Variants in FGF12 observed in about 807,000 individuals in gnomAD.
The protein encoded by FGF12 is fibroblast growth factor 12, also known as fibroblast growth factor 12B.
In FGF12, 14 loss-of-function variants were observed where a neutral mutation model predicts 23.6. The ratio of observed to expected loss-of-function variants is 0.59; its 90% CI spans 0.39 to 0.93. FGF12 has a LOEUF of 0.93. Among genes scored for constraint, FGF12 ranks in the 40% least tolerant of loss-of-function variants. FGF12 has a pLI of 0.00. For missense variants in FGF12, 175 were observed against 217.8 expected (o/e 0.80, Z 1.24); for synonymous variants, 62 against 77.3 (o/e 0.80, Z 1.04).
chr3:192,308,122 A>T (rs1440815005), intron 4 of FGF12, among the ~76,000 whole-genome samples: 1 of 152,202 alleles, frequency 6.6e-6, no homozygotes, highest in African/African-American at 2.4e-5. Flanking sequence ...CACTGTTGAG[A>T]TGATAAATTA....
At chr3:192,228,849 C>T (rs1469728094) in intron 4 of FGF12, among the ~76,000 whole-genome samples, 3 of 152,122 alleles carry the variant, frequency 2.0e-5, no homozygotes, top group Admixed American at 6.5e-5. Flanking sequence ...TTTAATACTG[C>T]GTCTGAGGAA....
intron 2 of FGF12, among the ~76,000 whole-genome samples, chr3:192,570,973 G>A (rs1312251803): frequency 6.6e-6 from 1 of 152,126 alleles, no homozygotes; most frequent in Non-Finnish European, 1.5e-5. Context: ...GAAACAGACG[G>A]GGAGTTCTAT....
intron 4 of FGF12, among the ~76,000 whole-genome samples, chr3:192,231,930 C>T (rs1719044557): frequency 6.6e-6 from 1 of 152,186 alleles, no homozygotes; most frequent in Non-Finnish European, 1.5e-5. Flanking sequence ...GTGCTGCCTG[C>T]TACTTAGGAG....
In FGF12 at chr3:192,293,499, G is replaced by A. The variant is rs888344064; in HGVS notation, c.228+41862C>T. On this transcript the variant is annotated intron_variant, in intron 4 of 5. Coordinates refer to ENST00000445105, the MANE Select transcript of FGF12 (RefSeq NM_004113.6). ...AATTTGATTTAGGGATTATTCTAGTGTTTCGATTTGCTATCAGTTTGAGAG... is the reference window on the plus strand; with the variant it reads ...AATTTGATTTAGGGATTATTCTAGTATTTCGATTTGCTATCAGTTTGAGAG... 3.3e-5 allele frequency among the ~76,000 whole-genome samples: 5 copies of A among 152,240 alleles called. No individual in the cohort carries two copies. The East Asian group carries it at 9.7e-4, about 29-fold the overall frequency.
At chr3:192,167,180 A>G (rs930056845) in intron 5 of FGF12, among the ~76,000 whole-genome samples, 1 of 151,796 alleles carries the variant, frequency 6.6e-6, no homozygotes, top group Non-Finnish European at 1.5e-5. Context: ...AAAAAAAAAA[A>G]AAAGACTACA....
chr3:192,365,388 C>T (rs1405224105), intron 2 of FGF12, among the ~76,000 whole-genome samples: 2 of 151,336 alleles, frequency 1.3e-5, no homozygotes, highest in Non-Finnish European at 2.9e-5. Context: ...GATCCTAGAG[C>T]TGAAAAAGAA....
Position 192,249,528 on chromosome 3 carries a change from G to A in FGF12, c.229-78872C>T, listed in dbSNP as rs117015504. ...TTCAATATGCAATATGGTGGCCTTA[G>A]GAAGAGAGGAGTTTTTTTTTTCTCA... On this transcript the variant is annotated intron_variant, in intron 4 of 5. Transcript: ENST00000445105. Among the ~76,000 whole-genome samples, 133 of 152,172 alleles carry A rather than the reference G, an allele frequency of 8.7e-4. 3 individuals carry two copies. The East Asian group carries it at 0.025, about 29-fold the overall frequency.
chr3:192,172,146 C>T (rs997756865), intron 4 of FGF12, among the ~76,000 whole-genome samples: 2 of 151,438 alleles, frequency 1.3e-5, no homozygotes, highest in African/African-American at 2.4e-5. Context: ...GCCAGCACTT[C>T]GGGAGGTTGA....
At chr3:192,300,276 A>G (rs925061746) in intron 4 of FGF12, among the ~76,000 whole-genome samples, 1 of 152,230 alleles carries the variant, frequency 6.6e-6, no homozygotes, top group African/African-American at 2.4e-5. Flanking sequence ...TACTTTAAAT[A>G]TCAGTAAATG....
chr3:192,197,003 A>G (rs1001814339), intron 4 of FGF12, among the ~76,000 whole-genome samples: 1 of 152,228 alleles, frequency 6.6e-6, no homozygotes, highest in Non-Finnish European at 1.5e-5. Flanking sequence ...TTTGTTAGAT[A>G]AGATGTGCAG....
intron 4 of FGF12, among the ~76,000 whole-genome samples, chr3:192,276,906 T>G (rs932912219): frequency 6.6e-6 from 1 of 152,234 alleles, no homozygotes; most frequent in Non-Finnish European, 1.5e-5. Context: ...CAGGTCTTAC[T>G]GAGTTTCCCT....
intron 2 of FGF12, chr3:192,407,898 T>C (rs1721029288): frequency 1.9e-6 from 2 of 1,053,632 alleles, no homozygotes; most frequent in Non-Finnish European, 2.7e-6. Context: ...AGTCTGGAAA[T>C]GAGAGAAGAG....
chr3:192,579,582 C>A (rs750307522), intron 2 of FGF12, among the ~76,000 whole-genome samples: 3 of 152,132 alleles, frequency 2.0e-5, no homozygotes, highest in Non-Finnish European at 4.4e-5. Context: ...GAGACGAAGT[C>A]TCTCTCTGTC....
At chr3:192,710,256 G>A (rs955359213) in intron 2 of FGF12, among the ~76,000 whole-genome samples, 2 of 152,142 alleles carry the variant, frequency 1.3e-5, no homozygotes, top group Non-Finnish European at 2.9e-5. Flanking sequence ...ATTTTTGGAT[G>A]TAAGTATTTA....
chr3:192,470,919 C>T (rs1352387943), intron 2 of FGF12, among the ~76,000 whole-genome samples: 1 of 152,178 alleles, frequency 6.6e-6, no homozygotes, highest in Admixed American at 6.5e-5. Flanking sequence ...CACAGTTTCA[C>T]ACCTCCGGCT....
chr3:192,168,948 A>T (rs1210559175), intron 5 of FGF12, among the ~76,000 whole-genome samples: 2 of 152,174 alleles, frequency 1.3e-5, no homozygotes, highest in Non-Finnish European at 2.9e-5. Flanking sequence ...TTGACTCTTG[A>T]ATTATTTTTT....
intron 4 of FGF12, among the ~76,000 whole-genome samples, chr3:192,290,634 C>T (rs1205521318): frequency 6.6e-6 from 1 of 152,152 alleles, no homozygotes; most frequent in Non-Finnish European, 1.5e-5. Flanking sequence ...AGTTGTGCTG[C>T]TCGTGAGTAG....
chr3:192,566,050 C>T lies in FGF12; in HGVS notation c.13+161131G>A, dbSNP rs1316817283. ...GCGGTGAGCCGAGATTGCGCCATTGCACTCCAGCCTGGGCAAAAAGAACGA... is the reference window on the plus strand; with the variant it reads ...GCGGTGAGCCGAGATTGCGCCATTGTACTCCAGCCTGGGCAAAAAGAACGA... On this transcript the variant is annotated intron_variant, in intron 2 of 5. Coordinates refer to ENST00000445105, the MANE Select transcript of FGF12 (RefSeq NM_004113.6). 2.0e-5 allele frequency among the ~76,000 whole-genome samples: 3 copies of T among 152,346 alleles called. No individual in the cohort carries two copies. In the East Asian group the frequency reaches 5.8e-4, roughly 29 times the overall value.
chr3:192,705,319 T>C (rs1457789375), intron 2 of FGF12, among the ~76,000 whole-genome samples: 1 of 152,206 alleles, frequency 6.6e-6, no homozygotes, highest in Admixed American at 6.5e-5. Context: ...GGGTGACTAA[T>C]TGGCTTAATT....
Sources: allele counts gnomAD v4.1 joint callset (sites outside exome capture counted in the v4.1 genomes callset), GRCh38; gene constraint gnomAD v4.1.1; transcripts MANE v1.5; gene names NCBI Gene and HGNC (gene_info 2026-07-23, HGNC 2026-07-21).